Variants in AIDA observed in about 807,000 individuals in gnomAD.
The protein encoded by AIDA is axin interactor, dorsalization associated, also known as axin interactor, dorsalization-associated protein.
Under a neutral mutation model 42.7 loss-of-function variants are expected in AIDA, and 18 were observed. The ratio of observed to expected loss-of-function variants is 0.42; its 90% confidence interval spans 0.29 to 0.63. AIDA has a LOEUF of 0.63. Ranked by LOEUF, AIDA falls within the 20% of genes least tolerant of loss-of-function variation. AIDA has a pLI of 0.19. For synonymous variants in AIDA, 104 were observed against 122.9 expected, an observed-to-expected ratio of 0.85 and a Z score of 1.02; for missense variants, 250 against 354.1, an observed-to-expected ratio of 0.71 and a Z score of 2.36.
At position 222,694,257 on chromosome 1, in the gene AIDA, T is replaced by C; in HGVS notation, c.187A>G (p.Ile63Val). The change falls in exon 3 of 10, where the codon ATA becomes GTA. Residue 63 changes from isoleucine to valine, a missense_variant. Ile to Val is a conservative substitution (Grantham distance 29). Coordinates refer to ENST00000340020, the MANE Select transcript of AIDA (RefSeq NM_022831.4). ...TCCAAGCATGTTGCAATTTTGCCTA[T>C]GGTTTTCTGCAGGGGAATAAAAAAA... ...SEFTEEQKKT[I>V]GKIATCLELR... 3.7e-6 allele frequency: 6 copies of C among 1,611,964 alleles called. No individual in the cohort carries two copies. Among genetic ancestry groups the C allele is most frequent in the Non-Finnish European group, 5.1e-6 (6 of 1,179,212 alleles).
intron 3 of AIDA, 36 bp from the exon 4 acceptor site, chr1:222,693,879 A>G (rs1173898661): frequency 6.6e-7 from 1 of 1,517,620 alleles, no homozygotes; most frequent in Non-Finnish European, 9.1e-7. Flanking sequence ...TCTTTTCACT[A>G]CAAGGATTTC....
chr1:222,671,139 A>T (rs879518766), intron 8 of AIDA, among the ~76,000 whole-genome samples: 2 of 152,188 alleles, frequency 1.3e-5, no homozygotes, highest in East Asian at 3.9e-4. Flanking sequence ...AGTTGGTAGG[A>T]CTGCCTGAGC....
intron 2 of AIDA, among the ~76,000 whole-genome samples, chr1:222,700,516 G>A (rs1193055160): frequency 6.6e-6 from 1 of 152,192 alleles, no homozygotes; most frequent in East Asian, 1.9e-4. Flanking sequence ...CCAGCACTCT[G>A]GGAGGCCCAG....
intron 2 of AIDA, among the ~76,000 whole-genome samples, chr1:222,694,889 T>C (rs928332280): frequency 1.3e-5 from 2 of 152,238 alleles, no homozygotes; most frequent in African/African-American, 4.8e-5. Context: ...GACATTTGAT[T>C]GTATGAACTT....
At chr1:222,674,879 A>G (rs1430499436) in intron 7 of AIDA, among the ~76,000 whole-genome samples, 1 of 152,246 alleles carries the variant, frequency 6.6e-6, no homozygotes, top group Non-Finnish European at 1.5e-5. Context: ...ACATGTATGC[A>G]AAGGTAACTT....
intron 6 of AIDA, among the ~76,000 whole-genome samples, chr1:222,684,834 C>T (rs890526740): frequency 2.6e-5 from 4 of 152,152 alleles, no homozygotes; most frequent in African/African-American, 9.7e-5. Context: ...CCTTAATCTG[C>T]CCACTTCATG....
intron 8 of AIDA, among the ~76,000 whole-genome samples, chr1:222,672,636 G>A (rs957211826): frequency 6.6e-6 from 1 of 152,208 alleles, no homozygotes; most frequent in Non-Finnish European, 1.5e-5. Context: ...GGGGAACAGA[G>A]GAGGCAGCAG....
chr1:222,686,452 G>C (rs766971796), intron 6 of AIDA, among the ~76,000 whole-genome samples: 7 of 152,168 alleles, frequency 4.6e-5, no homozygotes, highest in Non-Finnish European at 8.8e-5. Context: ...CCCAATAAAA[G>C]CTTTGGGCAC....
At chr1:222,704,276 A>G (rs537968486) in intron 1 of AIDA, among the ~76,000 whole-genome samples, 1 of 152,360 alleles carries the variant, frequency 6.6e-6, no homozygotes, top group Non-Finnish European at 1.5e-5. Context: ...CCATTCCTCA[A>G]AAAGTTAAAT....
intron 1 of AIDA, chr1:222,711,953 G>C: frequency 2.1e-6 from 1 of 467,692 alleles, no homozygotes; most frequent in African/African-American, 2.1e-5. Context: ...CCCCAGGAAA[G>C]AAGGGCTACC....
At chr1:222,703,895 G>C (rs759873562) in intron 1 of AIDA, among the ~76,000 whole-genome samples, 18 of 152,086 alleles carry the variant, frequency 1.2e-4, no homozygotes, top group Non-Finnish European at 2.4e-4. Flanking sequence ...CAAAAAACTT[G>C]TATAGTTTAG....
intron 4 of AIDA, 140 bp downstream of exon 4, chr1:222,693,649 A>G (rs1346138028): frequency 9.5e-6 from 6 of 628,424 alleles, no homozygotes; most frequent in African/African-American, 7.3e-5. Context: ...TACAGAAGTA[A>G]CAAAAGCACC....
intron 2 of AIDA, among the ~76,000 whole-genome samples, chr1:222,701,068 T>C (rs1435361057): frequency 6.7e-6 from 1 of 149,358 alleles, no homozygotes; most frequent in East Asian, 2.0e-4. Context: ...GTTCAGGTGA[T>C]CCTCCCACCT....
intron 2 of AIDA, among the ~76,000 whole-genome samples, chr1:222,696,179 G>T (rs1057367637): frequency 8.5e-5 from 13 of 152,180 alleles, no homozygotes; most frequent in African/African-American, 2.9e-4. Context: ...ACATTTATAT[G>T]TGGCAACTGC....
rs1165501615 is a variant in AIDA at position 222,668,307 on chromosome 1, C to T, written c.*1586G>A. On this transcript the variant is annotated 3_prime_UTR_variant, in exon 10 of 10. Coordinates refer to ENST00000340020, the MANE Select transcript of AIDA (RefSeq NM_022831.4). The stretch of plus-strand genomic sequence containing the variant: ...AAAATTACATGACACGGAGAAAATG[C>T]GCCTCTTGCTCCTTGAAGAGCTTAC... 4.6e-5 allele frequency: 6 copies of T among 130,170 alleles called. No homozygotes were observed. The highest frequency in any genetic ancestry group is 9.6e-5 in the Non-Finnish European group (6 of 62,186). The allele number at this position is 130,170 out of a possible 1,614,324, so 8.1% of individuals were successfully genotyped here.
intron 2 of AIDA, among the ~76,000 whole-genome samples, chr1:222,700,971 T>TGTGG (rs1553295515): frequency 9.5e-6 from 1 of 105,028 alleles, no homozygotes; most frequent in African/African-American, 4.1e-5. Context: ...TGATTTTTTT[T>TGTGG]GGGGGGGGGG....
intron 6 of AIDA, 129 bp downstream of exon 6, chr1:222,686,801 A>G (rs936568618): frequency 5.3e-6 from 6 of 1,123,006 alleles, no homozygotes; most frequent in Non-Finnish European, 3.7e-6. Context: ...CTGCCAATAA[A>G]ATTTGCCTAA....
chr1:222,687,770 TTCCC>T, intron 4 of AIDA, 112 bp from the exon 5 acceptor site: 1 of 820,624 alleles, frequency 1.2e-6, no homozygotes, highest in South Asian at 2.2e-5. Flanking sequence ...TATATATAAA[TTCCC>T]AGCCTTACCA....
At chr1:222,673,695 G>A (rs1357876699) in intron 7 of AIDA, among the ~76,000 whole-genome samples, 2 of 151,568 alleles carry the variant, frequency 1.3e-5, no homozygotes, top group Non-Finnish European at 2.9e-5. Context: ...GGAGAATGGC[G>A]TGAACCCAGG....
Sources: gnomAD v4.1 joint callset for allele counts (sites outside exome capture counted in the v4.1 genomes callset) on GRCh38, gnomAD v4.1.1 for gene constraint, MANE v1.5 for transcripts, NCBI Gene and HGNC (gene_info 2026-07-23, HGNC 2026-07-21) for gene names.